ARMC9: variants seen among roughly 807,000 people sequenced by gnomAD.
The protein encoded by ARMC9 is lisH domain-containing protein ARMC9.
A neutral mutation model predicts 107.0 loss-of-function variants in ARMC9; 94 were observed. The observed-to-expected ratio is 0.88, with a 90% CI of 0.74 to 1.04. The LOEUF (loss-of-function observed/expected upper bound fraction) is 1.04. Ranked by LOEUF, ARMC9 falls within the 50% of genes least tolerant of loss-of-function variation. ARMC9 has a pLI of 0.00. For synonymous variants in ARMC9, 380 were observed against 396.9 expected (o/e 0.96, Z 0.51); for missense variants, 942 against 1,030.1 (o/e 0.91, Z 1.17).
intron 9 of ARMC9, among the ~76,000 whole-genome samples, chr2:231,243,911 G>T (rs898418924): frequency 6.6e-6 from 1 of 152,214 alleles, no homozygotes; most frequent in Non-Finnish European, 1.5e-5. Context: ...GGAAGGAGAA[G>T]AAGATTGCTT....
chr2:231,336,427 C>T (rs944836061), intron 20 of ARMC9, among the ~76,000 whole-genome samples: 4 of 152,236 alleles, frequency 2.6e-5, no homozygotes, highest in African/African-American at 7.2e-5. Context: ...CGCTTCCAGG[C>T]GTCACCTGAG....
Position 231,273,015 on chromosome 2 carries a change from A to G in ARMC9, c.1271A>G (p.Glu424Gly), listed in dbSNP as rs2039470603. 2 of 1,614,016 alleles carry G rather than the reference A, an allele frequency of 1.2e-6. No homozygotes were observed. The highest frequency in any genetic ancestry group is 1.7e-6 in the Non-Finnish European group (2 of 1,179,958). Residue 424 changes from glutamate (E) to glycine (G), a missense_variant, in exon 14 of 25, where the codon GAG (glutamate) becomes GGG (glycine). Coordinates refer to ENST00000611582, the MANE Select transcript of ARMC9 (RefSeq NM_001352754.2). Reference sequence around the variant, plus strand: ...CAGATGCTGGAGGGAAGGCTGAAGGAGGAGGACAAGGATATCATCACCAGG... The same window carrying G: ...CAGATGCTGGAGGGAAGGCTGAAGGGGGAGGACAAGGATATCATCACCAGG... Reference protein sequence around the residue: ...VLQMLEGRLKEEDKDIITREN... With the variant: ...VLQMLEGRLKGEDKDIITREN...
intron 19 of ARMC9, among the ~76,000 whole-genome samples, chr2:231,319,810 G>A (rs961906441): frequency 1.3e-5 from 2 of 152,138 alleles, no homozygotes; most frequent in Non-Finnish European, 2.9e-5. Flanking sequence ...ACCACACGGG[G>A]ACATGATCAC....
chr2:231,272,166 TTGTG>T (rs60518694), intron 13 of ARMC9, among the ~76,000 whole-genome samples: 5 of 146,752 alleles, frequency 3.4e-5, no homozygotes, highest in Non-Finnish European at 7.4e-5. Context: ...TGTGGGGGTT[TTGTG>T]TGTGTGTGTG....
chr2:231,206,771 T>C (rs1226805580), intron 2 of ARMC9, among the ~76,000 whole-genome samples: 1 of 152,192 alleles, frequency 6.6e-6, no homozygotes, highest in Non-Finnish European at 1.5e-5. Context: ...TTTAACTCAT[T>C]GTCTGGTAAT....
intron 21 of ARMC9, 192 bp downstream of exon 21, chr2:231,345,282 A>G: frequency 4.6e-6 from 5 of 1,078,652 alleles, no homozygotes; most frequent in Non-Finnish European, 6.2e-6. Flanking sequence ...TTTTTATTCC[A>G]GAAGGAGAAG....
chr2:231,349,980 T>A (rs1298249024), intron 21 of ARMC9, among the ~76,000 whole-genome samples: 1 of 151,440 alleles, frequency 6.6e-6, no homozygotes, highest in Non-Finnish European at 1.5e-5. Flanking sequence ...ATCAAAACAA[T>A]TCACATATAC....
Position 231,208,029 on chromosome 2 carries a change from G to T in ARMC9, c.52-98G>T, listed in dbSNP as rs1034761380. ...TCATGTATCTGTTGGTCTTTTTAAT[G>T]TCTTCTTTGGATAAATATCTATTCA... On this transcript the variant is annotated intron_variant, in intron 2 of 24. Transcript: ENST00000611582. The T allele has an allele frequency of 2.8e-5, 17 of 615,298 alleles. 1 individual carries two copies. The African/African-American group carries it at 3.0e-4, about 11-fold the overall frequency. 38.1% of individuals were successfully genotyped at this position (615,298 alleles called of 1,614,324 possible).
chr2:231,251,431 C>T (rs1020270790), intron 9 of ARMC9, among the ~76,000 whole-genome samples: 1 of 152,206 alleles, frequency 6.6e-6, no homozygotes, highest in African/African-American at 2.4e-5. Context: ...TCCCAAAGTG[C>T]TGGGATGACA....
chr2:231,219,109 A>C (rs2033843055), intron 5 of ARMC9, among the ~76,000 whole-genome samples: 1 of 151,302 alleles, frequency 6.6e-6, no homozygotes, highest in Middle Eastern at 3.2e-3. Flanking sequence ...CTCAGAATGC[A>C]TTAACTTCAT....
chr2:231,200,897 C>G (rs767180813), intron 1 of ARMC9, among the ~76,000 whole-genome samples: 37 of 151,024 alleles, frequency 2.4e-4, no homozygotes, highest in Non-Finnish European at 4.1e-4. Context: ...TCATGGAAGA[C>G]TTCTTGAAAA....
intron 7 of ARMC9, among the ~76,000 whole-genome samples, chr2:231,234,448 T>C (rs541631040): frequency 1.3e-5 from 2 of 152,310 alleles, no homozygotes; most frequent in Non-Finnish European, 2.9e-5. Context: ...TTCTTGTTTT[T>C]CCTAGCAGGA....
chr2:231,361,434 CAA>C (rs775553119), intron 23 of ARMC9, among the ~76,000 whole-genome samples: 11 of 38,018 alleles, frequency 2.9e-4, no homozygotes, highest in Non-Finnish European at 3.7e-4. Context: ...GACCCTGTCT[CAA>C]AAAAAAAAAA....
intron 12 of ARMC9, among the ~76,000 whole-genome samples, chr2:231,269,238 A>G (rs1313134744): frequency 6.6e-6 from 1 of 152,048 alleles, no homozygotes. Context: ...CAGTCTGACA[A>G]CTTTCATTCT....
intron 21 of ARMC9, among the ~76,000 whole-genome samples, chr2:231,350,992 T>C (rs1260273042): frequency 2.7e-5 from 3 of 112,530 alleles, no homozygotes; most frequent in African/African-American, 7.3e-5. Context: ...AGAGTCTCGC[T>C]CTGTCAGCCA....
At chr2:231,356,733 G>A (rs959435225) in intron 22 of ARMC9, among the ~76,000 whole-genome samples, 14 of 152,170 alleles carry the variant, frequency 9.2e-5, no homozygotes, top group Non-Finnish European at 1.5e-4. Flanking sequence ...TTTTGCCAGC[G>A]TTGATCATCA....
intron 19 of ARMC9, among the ~76,000 whole-genome samples, chr2:231,319,033 AAGC>A (rs2042860218): frequency 6.6e-6 from 1 of 152,120 alleles, no homozygotes; most frequent in Non-Finnish European, 1.5e-5. Flanking sequence ...GAACAGGAAG[AAGC>A]AGGGAGGGAG....
At chr2:231,271,790 A>G (rs2039347211) in intron 13 of ARMC9, among the ~76,000 whole-genome samples, 1 of 152,176 alleles carries the variant, frequency 6.6e-6, no homozygotes, top group Non-Finnish European at 1.5e-5. Context: ...CATCTTCCAT[A>G]TCCATTCAGA....
chr2:231,370,204 T>G, intron 24 of ARMC9, 79 bp downstream of exon 24: 1 of 1,409,440 alleles, frequency 7.1e-7, no homozygotes, highest in South Asian at 1.5e-5. Context: ...GCTGCTATAT[T>G]TGGCCCCGTG....
Sources: gnomAD v4.1 joint callset for allele counts (sites outside exome capture counted in the v4.1 genomes callset) on GRCh38, gnomAD v4.1.1 for gene constraint, MANE v1.5 for transcripts, NCBI Gene and HGNC (gene_info 2026-07-23, HGNC 2026-07-21) for gene names.